TTC6: variants seen among roughly 807,000 people sequenced by gnomAD.
The protein encoded by TTC6 is tetratricopeptide repeat domain 6.
In TTC6, 172 loss-of-function variants were observed where a neutral mutation model predicts 210.4. The ratio of observed to expected loss-of-function variants is 0.82; its 90% CI spans 0.72 to 0.93. The LOEUF is 0.93. TTC6 is among the 40% of genes least tolerant of loss of function. TTC6 has a pLI of 0.00. For synonymous variants in TTC6, 804 were observed against 819.6 expected (o/e 0.98, Z 0.32); for missense variants, 2,414 against 2,318.1 (o/e 1.04, Z -0.85).
chr14:37,703,223 G>C (rs34551220), intron 5 of TTC6, among the ~76,000 whole-genome samples: 1 of 151,742 alleles, frequency 6.6e-6, no homozygotes, highest in Non-Finnish European at 1.5e-5. Flanking sequence ...AATTATTCAC[G>C]CAAAGTGTTA....
chr14:37,655,761 T>C (rs936924742), intron 1 of TTC6, among the ~76,000 whole-genome samples: 6 of 152,206 alleles, frequency 3.9e-5, no homozygotes, highest in Non-Finnish European at 7.3e-5. Context: ...CACTACCCAG[T>C]ATTTCATTCA....
intron 7 of TTC6, among the ~76,000 whole-genome samples, chr14:37,732,821 T>C (rs1388647273): frequency 6.6e-6 from 1 of 151,768 alleles, no homozygotes; most frequent in Non-Finnish European, 1.5e-5. Context: ...GGTTTCACCA[T>C]GGCTTCAATC....
chr14:37,808,714 A>T lies in TTC6; in HGVS notation c.4456-19A>T, dbSNP rs765574642. ...CATTATGATTTTCCTTTCTCACATA[A>T]TTACTTTTTTCTTTTTAGACTTATA... On this transcript the variant is annotated intron_variant, in intron 23 of 30. Coordinates refer to ENST00000553443, the Ensembl canonical transcript of TTC6. 2.4e-6 allele frequency: 3 copies of T among 1,241,652 alleles called. No homozygotes were observed. 76.9% of individuals were successfully genotyped at this position (1,241,652 alleles called of 1,614,324 possible).
chr14:37,768,941 T>C (rs1465734957), intron 14 of TTC6, among the ~76,000 whole-genome samples: 1 of 151,602 alleles, frequency 6.6e-6, no homozygotes, highest in African/African-American at 2.4e-5. Context: ...TGTGGGTTTG[T>C]CATAGATAGC....
chr14:37,753,852 C>T lies in TTC6; in HGVS notation c.3266+617C>T, dbSNP rs1043441178. On this transcript the variant is annotated intron_variant, in intron 14 of 30. Transcript: ENST00000553443. ...TTTTATTGTATTGTATATTAAACTT[C>T]GTGCATTGTACAGTTTTCATTTGTA... Among the ~76,000 whole-genome samples the T allele has an allele frequency of 6.5e-4, 98 of 150,456 alleles. 1 individual carries two copies. Among genetic ancestry groups the T allele is most frequent in the Non-Finnish European group, 2.8e-4 (19 of 67,860 alleles).
chr14:37,823,757 T>A (rs758664874), exon 27 of TTC6: 2 of 1,613,672 alleles, frequency 1.2e-6, no homozygotes, highest in Non-Finnish European at 1.7e-6. Context: ...AATTAATGAG[T>A]TTGAAGAAGC....
chr14:37,808,909 A>C, intron 24 of TTC6, 63 bp downstream of exon 26: 1 of 806,558 alleles, frequency 1.2e-6, no homozygotes, highest in East Asian at 2.8e-5. Context: ...TGCATTTAAT[A>C]GCTTGTGGAT....
At chr14:37,796,168 T>C (rs2096092286) in intron 18 of TTC6, 126 bp from the exon 21 acceptor site, 1 of 421,344 alleles carries the variant, frequency 2.4e-6, no homozygotes, top group African/African-American at 2.1e-5. Flanking sequence ...ATTTTCACTT[T>C]TTTATGCATA....
At chr14:37,809,533 A>G (rs897107967) in intron 24 of TTC6, among the ~76,000 whole-genome samples, 2 of 152,144 alleles carry the variant, frequency 1.3e-5, no homozygotes, top group Admixed American at 6.5e-5. Flanking sequence ...TTTTTAAAGC[A>G]GTAGCAATCA....
intron 1 of TTC6, among the ~76,000 whole-genome samples, chr14:37,678,685 T>A (rs1440414750): frequency 6.6e-6 from 1 of 152,224 alleles, no homozygotes; most frequent in Non-Finnish European, 1.5e-5. Context: ...CTTATTTGTT[T>A]CCATTCTCTG....
At chr14:37,622,146 G>A in exon 1 of TTC6, 1 of 1,535,512 alleles carries the variant, frequency 6.5e-7, no homozygotes, top group Non-Finnish European at 8.7e-7. Context: ...AGTTCGGCAG[G>A]AAACTAAAAA....
intron 1 of TTC6, among the ~76,000 whole-genome samples, chr14:37,663,853 CCAA>C (rs1426371171): frequency 2.0e-5 from 3 of 152,058 alleles, no homozygotes; most frequent in African/African-American, 7.2e-5. Context: ...TTCTTGTACA[CCAA>C]CAACAGGCAA....
intron 1 of TTC6, among the ~76,000 whole-genome samples, chr14:37,667,969 T>C (rs2095751394): frequency 6.7e-6 from 1 of 150,312 alleles, no homozygotes; most frequent in African/African-American, 2.4e-5. Context: ...ACCCCATCTC[T>C]ACTAAAAATA....
chr14:37,773,241 C>A (rs186652771), intron 14 of TTC6, among the ~76,000 whole-genome samples: 7 of 152,244 alleles, frequency 4.6e-5, no homozygotes, highest in Admixed American at 3.9e-4. Context: ...TTGATAGTTT[C>A]TTTTGCTGTG....
At chr14:37,739,033 A>C in exon 10 of TTC6, 1 of 1,535,584 alleles carries the variant, frequency 6.5e-7, no homozygotes. Flanking sequence ...CGTCTAAAAA[A>C]GCTGGCATTA....
exon 1 of TTC6, chr14:37,622,991 C>T: frequency 4.1e-6 from 6 of 1,471,328 alleles, no homozygotes; most frequent in South Asian, 3.9e-5. Flanking sequence ...AGAACTACGA[C>T]ATTACAATGG....
In TTC6 at chr14:37,630,770, T is replaced by C. The variant is rs2095667891; in HGVS notation, c.939+7767T>C. ...TTTATGAATCTGGGTGCTCTTGTAT[T>C]GGGTGCATATATATTTAGAATAGTT... On this transcript the variant is annotated intron_variant, in intron 1 of 30. Coordinates refer to ENST00000553443, the Ensembl canonical transcript of TTC6. Among the ~76,000 whole-genome samples, 6 of 152,262 alleles carry C rather than the reference T, an allele frequency of 3.9e-5. No homozygotes were observed. In the South Asian group the frequency reaches 1.2e-3, roughly 32 times the overall value.
intron 5 of TTC6, among the ~76,000 whole-genome samples, chr14:37,711,442 G>A (rs2095844606): frequency 6.6e-6 from 1 of 152,186 alleles, no homozygotes; most frequent in Non-Finnish European, 1.5e-5. Flanking sequence ...GTCTCGTGGA[G>A]GAATTGAGAT....
Position 37,749,388 on chromosome 14 carries a change from A to G in TTC6, c.2813A>G (p.Asn938Ser), listed in dbSNP as rs1310007765. 3.5e-6 allele frequency: 5 copies of G among 1,445,900 alleles called. No homozygotes were observed. In the African/African-American group the frequency reaches 5.7e-5, roughly 17 times the overall value. The allele number at this position is 1,445,900 out of a possible 1,614,324, so 89.6% of individuals were successfully genotyped here. The change falls in exon 11 of 31, where the codon AAT becomes AGT. Residue 938 changes from asparagine to serine, a missense_variant. Asn to Ser is a conservative substitution (Grantham distance 46). Transcript: ENST00000553443. ...CTGGGAAAGTTGCAGAGTGCCATGAATGATCTGCAGAGAGTAAGTTTTCTT... is the reference window on the plus strand; with the variant it reads ...CTGGGAAAGTTGCAGAGTGCCATGAGTGATCTGCAGAGAGTAAGTTTTCTT...
Sources: gnomAD v4.1 joint callset for allele counts (sites outside exome capture counted in the v4.1 genomes callset) on GRCh38, gnomAD v4.1.1 for gene constraint, MANE v1.5 for transcripts, NCBI Gene and HGNC (gene_info 2026-07-23, HGNC 2026-07-21) for gene names.